The following TRMT11 variants were observed in gnomAD, a reference collection of about 807,000 sequenced individuals.
TRMT11 encodes tRNA (guanine(10)-N(2))-methyltransferase TRMT11.
Under a neutral mutation model 62.8 loss-of-function variants are expected in TRMT11, and 53 were observed. That is an observed-to-expected ratio of 0.84 (90% CI 0.68 to 1.06). The LOEUF is 1.06. Among genes scored for constraint, TRMT11 ranks in the 50% least tolerant of loss-of-function variants. TRMT11 has a pLI of 0.00. For missense variants in TRMT11, 556 were observed against 553.4 expected, an observed-to-expected ratio of 1.00 and a Z score of -0.05; for synonymous variants, 188 against 190.3, an observed-to-expected ratio of 0.99 and a Z score of 0.10.
At chr6:126,065,464 C>CA (rs1043357519) in intron 17 of TRMT11, among the ~76,000 whole-genome samples, 5 of 152,110 alleles carry the variant, frequency 3.3e-5, no homozygotes, top group African/African-American at 1.2e-4. Flanking sequence ...TTTCAAACTT[C>CA]AAAACCTTAT....
intron 21 of TRMT11, among the ~76,000 whole-genome samples, chr6:126,156,045 T>G (rs1778117855): frequency 6.6e-6 from 1 of 152,190 alleles, no homozygotes; most frequent in Non-Finnish European, 1.5e-5. Context: ...TTATTAAATC[T>G]TAAAGCTCCA....
chr6:125,991,107 G>T (rs1179371163), intron 1 of TRMT11, among the ~76,000 whole-genome samples: 1 of 151,924 alleles, frequency 6.6e-6, no homozygotes, highest in Non-Finnish European at 1.5e-5. Flanking sequence ...TTAGCCAGAT[G>T]TGGTGGTGTG....
At chr6:126,035,069 A>AT (rs200434931) in intron 12 of TRMT11, among the ~76,000 whole-genome samples, 108 of 151,100 alleles carry the variant, frequency 7.1e-4, no homozygotes, top group Middle Eastern at 3.4e-3. Context: ...TGAGTTTGCC[A>AT]TTTTTTTTTA....
chr6:126,201,728 A>G (rs1031282231), intron 3 of TRMT11, among the ~76,000 whole-genome samples: 1 of 149,244 alleles, frequency 6.7e-6, no homozygotes, highest in Non-Finnish European at 1.5e-5. Context: ...TTCTCTCTTT[A>G]TTTTTATTTT....
At chr6:126,028,978 A>G (rs1773693546) in intron 12 of TRMT11, among the ~76,000 whole-genome samples, 1 of 152,194 alleles carries the variant, frequency 6.6e-6, no homozygotes, top group Non-Finnish European at 1.5e-5. Context: ...AGGTCAGTTG[A>G]AAATATAAAT....
At chr6:126,034,181 G>A (rs1294258021) in intron 12 of TRMT11, among the ~76,000 whole-genome samples, 1 of 152,008 alleles carries the variant, frequency 6.6e-6, no homozygotes, top group Non-Finnish European at 1.5e-5. Context: ...GTCTGATTTA[G>A]GCTACAATTC....
rs575907655 is a variant in TRMT11 at position 126,021,248 on chromosome 6, T to C, written c.1228T>C (p.Leu410=). The C allele has an allele frequency of 4.3e-6, 7 of 1,614,074 alleles. No individual in the cohort carries two copies. The highest frequency in any genetic ancestry group is 5.9e-6 in the Non-Finnish European group (7 of 1,180,014). ...QKLSSHTSRR[L]ITMEKVKKFE... The stretch of plus-strand genomic sequence containing the variant: ...GCTTTCCAGTCACACATCAAGGCGC[T>C]TGATCACAATGGAAAAGGTGAAGAA... Residue 410 remains leucine, a synonymous_variant, in exon 12 of 13, where the codon TTG becomes CTG. Transcript: ENST00000334379.
chr6:126,105,632 G>A (rs1046723515), intron 17 of TRMT11, among the ~76,000 whole-genome samples: 1 of 151,978 alleles, frequency 6.6e-6, no homozygotes, highest in Non-Finnish European at 1.5e-5. Flanking sequence ...TGATTCTATG[G>A]ATTGAGATGG....
chr6:126,022,658 T>C (rs1372589531), intron 12 of TRMT11, among the ~76,000 whole-genome samples: 1 of 152,232 alleles, frequency 6.6e-6, no homozygotes, highest in East Asian at 1.9e-4. Flanking sequence ...TCTTTTTTTA[T>C]TACTGAAAAA....
At chr6:126,234,002 C>T in the TRMT11 span, among the ~76,000 whole-genome samples, 1 of 152,040 alleles carries the variant, frequency 6.6e-6, no homozygotes, top group Non-Finnish European at 1.5e-5. Flanking sequence ...TTTATTATTA[C>T]TATTGTATTA....
intron 17 of TRMT11, among the ~76,000 whole-genome samples, chr6:126,071,298 G>A (rs894217834): frequency 6.6e-6 from 1 of 151,914 alleles, no homozygotes; most frequent in African/African-American, 2.4e-5. Flanking sequence ...AGTCGACATC[G>A]TGTTTTAATC....
chr6:126,236,311 C>T, the TRMT11 span, among the ~76,000 whole-genome samples: 1 of 152,172 alleles, frequency 6.6e-6, no homozygotes, highest in Non-Finnish European at 1.5e-5. Flanking sequence ...ATTTCACACT[C>T]TGTAATTTAA....
chr6:126,054,377 T>C (rs537670775), intron 17 of TRMT11, among the ~76,000 whole-genome samples: 1 of 152,294 alleles, frequency 6.6e-6, no homozygotes, highest in East Asian at 1.9e-4. Context: ...TCCCCATCTA[T>C]AGAGCCCCCC....
At chr6:126,142,234 G>A (rs1426099445) in intron 21 of TRMT11, among the ~76,000 whole-genome samples, 1 of 152,014 alleles carries the variant, frequency 6.6e-6, no homozygotes, top group Non-Finnish European at 1.5e-5. Flanking sequence ...GAGGGGAGGA[G>A]TGATTAAGAA....
intron 12 of TRMT11, among the ~76,000 whole-genome samples, chr6:126,032,832 C>A (rs1774459653): frequency 6.6e-6 from 1 of 152,128 alleles, no homozygotes; most frequent in Admixed American, 6.6e-5. Flanking sequence ...TTACTCTAGG[C>A]TGTTCTAGAA....
intron 7 of TRMT11, among the ~76,000 whole-genome samples, chr6:125,999,981 T>C (rs1006629596): frequency 3.9e-5 from 6 of 152,168 alleles, no homozygotes; most frequent in Non-Finnish European, 5.9e-5. Flanking sequence ...ATCAAAAAAA[T>C]GTATTCATCC....
the TRMT11 span, among the ~76,000 whole-genome samples, chr6:126,268,977 G>A: frequency 1.3e-5 from 2 of 152,026 alleles, no homozygotes; most frequent in Admixed American, 6.5e-5. Context: ...ATATGACTGG[G>A]TTGGCCGGGC....
intron 17 of TRMT11, among the ~76,000 whole-genome samples, chr6:126,093,377 C>T (rs1482723115): frequency 6.6e-6 from 1 of 151,064 alleles, no homozygotes; most frequent in Non-Finnish European, 1.5e-5. Context: ...CCGGTTTCTA[C>T]GTATTTGAAA....
intron 17 of TRMT11, among the ~76,000 whole-genome samples, chr6:126,065,317 C>T (rs1224273168): frequency 2.6e-5 from 4 of 152,056 alleles, no homozygotes; most frequent in Non-Finnish European, 5.9e-5. Flanking sequence ...GCCACGATGA[C>T]GAGGCAGGGC....
Sources: gnomAD v4.1 joint callset for allele counts (sites outside exome capture counted in the v4.1 genomes callset) on GRCh38, gnomAD v4.1.1 for gene constraint, MANE v1.5 for transcripts, NCBI Gene and HGNC (gene_info 2026-07-23, HGNC 2026-07-21) for gene names.